GRID1: variants seen among roughly 807,000 people sequenced by gnomAD.
The protein encoded by GRID1 is glutamate ionotropic receptor delta type subunit 1, also known as glutamate receptor ionotropic, delta-1.
Under a neutral mutation model 98.0 loss-of-function variants are expected in GRID1, and 28 were observed. The observed-to-expected ratio is 0.29, with a 90% CI of 0.21 to 0.39. The LOEUF is 0.39. Among genes scored for constraint, GRID1 ranks in the 10% least tolerant of loss-of-function variants. The pLI is 1.00. For missense variants in GRID1, 1,111 were observed against 1,340.5 expected (o/e 0.83, Z 2.67); for synonymous variants, 553 against 538.5 (o/e 1.03, Z -0.37).
In GRID1 at chr10:85,729,579, G is replaced by T. The variant is rs145463285; in HGVS notation, c.1269C>A (p.Gly423=). 144 of 1,612,808 alleles carry T rather than the reference G, an allele frequency of 8.9e-5. No individual in the cohort carries two copies. The African/African-American group carries it at 1.8e-3, about 21-fold the overall frequency. ...TGCCCATGGGCCTCTCTTGCAAGCTGCCATTCAAGCCCTTCTCTGAGTCCC... is the reference window on the plus strand; with the variant it reads ...TGCCCATGGGCCTCTCTTGCAAGCTTCCATTCAAGCCCTTCTCTGAGTCCC... ...ATWDSEKGLN[G]SLQERPMGSR... Residue 423 remains glycine (G), a synonymous_variant, in exon 9 of 16, where the codon GGC becomes GGA. Coordinates refer to ENST00000327946, the MANE Select transcript of GRID1 (RefSeq NM_017551.3).
At chr10:86,315,036 T>C (rs906961308) in intron 2 of GRID1, among the ~76,000 whole-genome samples, 3 of 152,064 alleles carry the variant, frequency 2.0e-5, no homozygotes, top group African/African-American at 7.2e-5. Context: ...CATCCGATCC[T>C]GTTGTGCCGC....
intron 8 of GRID1, among the ~76,000 whole-genome samples, chr10:85,788,064 AAG>A (rs146878064): frequency 0.15 from 21,874 of 146,598 alleles, 2,111 homozygotes; most frequent in East Asian, 0.31. Context: ...CAAAAAAAAA[AAG>A]AAAAGAAAAG....
At chr10:85,697,629 A>G (rs1001948653) in intron 12 of GRID1, among the ~76,000 whole-genome samples, 2 of 152,178 alleles carry the variant, frequency 1.3e-5, no homozygotes, top group African/African-American at 4.8e-5. Context: ...AGAGAAATTT[A>G]CACAATTTCT....
chr10:86,258,499 T>G (rs935884315), intron 2 of GRID1, among the ~76,000 whole-genome samples: 2 of 152,184 alleles, frequency 1.3e-5, no homozygotes, highest in Non-Finnish European at 2.9e-5. Flanking sequence ...TTTTGTAGGT[T>G]GTTTATGGTA....
chr10:85,620,229 G>A (rs1177289578), intron 13 of GRID1, among the ~76,000 whole-genome samples, 196 bp from the exon 14 acceptor site: 12 of 152,176 alleles, frequency 7.9e-5, no homozygotes, highest in Admixed American at 7.9e-4. Context: ...ACTTTGACTA[G>A]ACATAAAAGG....
At chr10:85,820,027 A>AAGGC (rs1156384223) in intron 8 of GRID1, among the ~76,000 whole-genome samples, 2,171 of 65,960 alleles carry the variant, frequency 0.033, 104 homozygotes, top group Admixed American at 0.044. Flanking sequence ...GGAAGGAAGG[A>AAGGC]AGGCAGGCAG....
chr10:86,053,610 T>G (rs572177408), intron 4 of GRID1, among the ~76,000 whole-genome samples: 26 of 152,174 alleles, frequency 1.7e-4, no homozygotes, highest in South Asian at 6.2e-4. Flanking sequence ...CGCCTCGGCC[T>G]CCCAAAGTGC....
At chr10:85,907,003 A>T (rs982954977) in intron 5 of GRID1, among the ~76,000 whole-genome samples, 3 of 152,222 alleles carry the variant, frequency 2.0e-5, no homozygotes, top group African/African-American at 7.2e-5. Context: ...AAGAAAAGAG[A>T]CAAGTAATGA....
intron 4 of GRID1, among the ~76,000 whole-genome samples, chr10:86,115,274 CTACATA>C (rs1844557450): frequency 6.6e-6 from 1 of 152,134 alleles, no homozygotes; most frequent in Non-Finnish European, 1.5e-5. Flanking sequence ...TAATGTGACT[CTACATA>C]GACATTGAGG....
intron 4 of GRID1, among the ~76,000 whole-genome samples, chr10:85,946,718 A>G (rs1935603024): frequency 6.6e-6 from 1 of 152,120 alleles, no homozygotes; most frequent in Non-Finnish European, 1.5e-5. Flanking sequence ...GGCGGCTCTG[A>G]GAAATTGTCT....
intron 4 of GRID1, among the ~76,000 whole-genome samples, chr10:86,104,706 G>A (rs1340489806): frequency 6.6e-6 from 1 of 152,204 alleles, no homozygotes; most frequent in African/African-American, 2.4e-5. Flanking sequence ...AGGCCCTCAG[G>A]ACCACAGGGC....
chr10:86,096,264 T>A (rs1408590980), intron 4 of GRID1, among the ~76,000 whole-genome samples: 9 of 152,004 alleles, frequency 5.9e-5, no homozygotes, highest in Admixed American at 5.9e-4. Context: ...GGATGATGGG[T>A]GCACCAAAAT....
At chr10:86,002,585 A>G (rs1842814373) in intron 4 of GRID1, among the ~76,000 whole-genome samples, 1 of 152,174 alleles carries the variant, frequency 6.6e-6, no homozygotes, top group African/African-American at 2.4e-5. Flanking sequence ...GCCTGGGAGG[A>G]GTATAAACAA....
chr10:85,634,916 A>C (rs1225511289), intron 13 of GRID1, among the ~76,000 whole-genome samples: 2 of 148,680 alleles, frequency 1.3e-5, no homozygotes, highest in Non-Finnish European at 3.0e-5. Flanking sequence ...AACAGAATGG[A>C]ATCAGCCCAC....
intron 8 of GRID1, among the ~76,000 whole-genome samples, chr10:85,771,293 G>A (rs1208073293): frequency 6.6e-6 from 1 of 152,128 alleles, no homozygotes; most frequent in Non-Finnish European, 1.5e-5. Flanking sequence ...GTCACCACGA[G>A]GCCTGCCCTG....
intron 8 of GRID1, among the ~76,000 whole-genome samples, chr10:85,776,679 G>C (rs1842334621): frequency 6.6e-6 from 1 of 152,228 alleles, no homozygotes. Context: ...AAGCCTCTAT[G>C]TCAACAAGCA....
At chr10:86,314,507 G>A (rs759293442) in intron 2 of GRID1, among the ~76,000 whole-genome samples, 2 of 152,220 alleles carry the variant, frequency 1.3e-5, no homozygotes, top group Non-Finnish European at 2.9e-5. Flanking sequence ...AATATCAGAG[G>A]AATCCCTGGC....
At chr10:85,964,829 G>C (rs983207195) in intron 4 of GRID1, among the ~76,000 whole-genome samples, 3 of 152,056 alleles carry the variant, frequency 2.0e-5, no homozygotes, top group Non-Finnish European at 2.9e-5. Flanking sequence ...CACAGCAAAA[G>C]AAACTATCAT....
chr10:85,893,162 AT>A (rs1841229770), intron 5 of GRID1, among the ~76,000 whole-genome samples: 1 of 152,164 alleles, frequency 6.6e-6, no homozygotes, highest in South Asian at 2.1e-4. Flanking sequence ...TGCACAAAAA[AT>A]ATTTGGCAAA....
Sources: allele counts gnomAD v4.1 joint callset (sites outside exome capture counted in the v4.1 genomes callset), GRCh38; gene constraint gnomAD v4.1.1; transcripts MANE v1.5; gene names NCBI Gene and HGNC (gene_info 2026-07-23, HGNC 2026-07-21).